Variants in PIK3R2 observed in about 807,000 individuals in gnomAD.
PIK3R2 encodes phosphatidylinositol 3-kinase regulatory subunit beta.
Under a neutral mutation model 78.5 loss-of-function variants are expected in PIK3R2, and 40 were observed. The ratio of observed to expected loss-of-function variants is 0.51; its 90% CI spans 0.40 to 0.66. PIK3R2 has a LOEUF of 0.66. Among genes scored for constraint, PIK3R2 ranks in the 30% least tolerant of loss-of-function variants. The probability of loss-of-function intolerance (pLI) is 0.00; values close to 1 mark genes in which losing one functional copy is unlikely to be tolerated. For synonymous variants in PIK3R2, 473 were observed against 457.7 expected (o/e 1.03, Z -0.43); for missense variants, 880 against 1,026.6 (o/e 0.86, Z 1.95).
rs1301654343 is a variant in PIK3R2 at position 18,168,721 on chromosome 19, C to A, written c.1809-5C>A. ...GGCCCTCCCCGCCACCGCCCCCCAC[C>A]CCAGCCAGTACGCACTCATGGAGGA... On this transcript the variant is annotated splice_region_variant and splice_polypyrimidine_tract_variant and intron_variant, in intron 14 of 15. Transcript: ENST00000222254. The surrounding 1 kb of genome is among the most constrained non-coding windows in gnomAD (Gnocchi z 4.1). 1 of 1,611,664 alleles carries A rather than the reference C, an allele frequency of 6.2e-7. No individual in the cohort carries two copies. Among genetic ancestry groups the A allele is most frequent in the African/African-American group, 1.3e-5 (1 of 74,880 alleles).
At position 18,162,730 on chromosome 19, in the gene PIK3R2, A is replaced by T. The variant is rs559922198; in HGVS notation, c.1109+224A>T. On this transcript the variant is annotated intron_variant, in intron 9 of 15. Transcript: ENST00000222254. ...GAAACCCCGTCTCTACTAAAAAATT[A>T]AAAAAAAAAATTAGCCAGGCATGGT... 4.3e-4 allele frequency: 237 copies of T among 552,048 alleles called. 3 individuals carry two copies. In the East Asian group the frequency reaches 7.0e-3, roughly 16 times the overall value. 34.2% of individuals were successfully genotyped at this position (552,048 alleles called of 1,614,324 possible).
Position 18,162,375 on chromosome 19 carries a change from G to T in PIK3R2, c.1011-33G>T, listed in dbSNP as rs1158635414. ...ACAGGGTGAGCGGGGTCTCCAGGTG[G>T]CTCGGCAGTCCCAATGTTGGATGTT... On this transcript the variant is annotated intron_variant, in intron 8 of 15. Coordinates refer to ENST00000222254, the MANE Select transcript of PIK3R2 (RefSeq NM_005027.4). 4 of 1,605,864 alleles carry T rather than the reference G, an allele frequency of 2.5e-6. No homozygotes were observed. In the Admixed American group the frequency reaches 6.7e-5, roughly 27 times the overall value.
rs376215289 is a variant in PIK3R2 at position 18,166,265 on chromosome 19, C to T, written c.1522C>T (p.Arg508Cys). 33 of 1,613,978 alleles carry T rather than the reference C, an allele frequency of 2.0e-5. No individual in the cohort carries two copies. Among genetic ancestry groups the T allele is most frequent in the African/African-American group, 6.7e-5 (5 of 74,892 alleles). Residue 508 changes from arginine to cysteine, a missense_variant, in exon 12 of 16, where the codon CGC (arginine) becomes TGC (cysteine). By Grantham distance (180) the Arg-to-Cys change is radical. Coordinates refer to ENST00000222254, the MANE Select transcript of PIK3R2 (RefSeq NM_005027.4). The stretch of plus-strand genomic sequence containing the variant: ...GAAATGCAGCAAGGAATACCTGGAG[C>T]GCTTCCGGCGTGAGGGCAACGAGAA... Reference protein sequence around the residue: ...QEKCSKEYLERFRREGNEKEM... With the variant: ...QEKCSKEYLECFRREGNEKEM...
rs770759413 is a variant in PIK3R2, at chr19:18,162,408, G to T, written c.1011G>T (p.Arg337Ser). 1 of 1,613,306 alleles carries T rather than the reference G, an allele frequency of 6.2e-7. No individual in the cohort carries two copies. Among genetic ancestry groups the T allele is most frequent in the Non-Finnish European group, 8.5e-7 (1 of 1,179,744 alleles). The change falls in exon 9 of 16, where the codon AGG (arginine) becomes AGT (serine). Residue 337 changes from arginine (R) to serine (S), a missense_variant and splice_region_variant. Arg to Ser is a moderately radical substitution (Grantham distance 110, BLOSUM62 -1). This residue lies in a region of PIK3R2 where 156 missense variants were observed against 241.0 expected (regional missense o/e 0.65). Transcript: ENST00000222254. ...DAEWYWGDIS[R>S]EEVNEKLRDT... ...GTCCCAATGTTGGATGTTCCCACAG[G>T]GAGGAGGTGAACGAGAAACTCCGGG...
At position 18,161,659 on chromosome 19, in the gene PIK3R2, A is replaced by G. The variant is rs532640802; in HGVS notation, c.815+164A>G. ...GACGGAGCGGAGACCTGGGCTCCTG[A>G]GTCGTGGGACAGAAGGTGAAGGGGC... On this transcript the variant is annotated intron_variant, in intron 6 of 15. Coordinates refer to ENST00000222254, the MANE Select transcript of PIK3R2 (RefSeq NM_005027.4). This position sits in a 1 kb window ranked among gnomAD's most constrained non-coding sequence, Gnocchi z 5.3. Among the ~76,000 whole-genome samples the G allele has an allele frequency of 2.0e-5, 3 of 152,254 alleles. No individual in the cohort carries two copies. Among genetic ancestry groups the G allele is most frequent in the Admixed American group, 2.0e-4 (3 of 15,292 alleles).
chr19:18,159,837 G>A (rs112502369), intron 2 of PIK3R2, among the ~76,000 whole-genome samples: 1 of 152,132 alleles, frequency 6.6e-6, no homozygotes, highest in Non-Finnish European at 1.5e-5. Context: ...CGCCTCCCGG[G>A]TTCAAGCGAT....
At chr19:18,160,778 C>T in intron 3 of PIK3R2, 141 bp from the exon 4 acceptor site, 1 of 1,080,988 alleles carries the variant, frequency 9.3e-7, no homozygotes, top group Non-Finnish European at 1.4e-6. Flanking sequence ...GTGCCCTCTC[C>T]CAGTTCTCCC....
intron 2 of PIK3R2, among the ~76,000 whole-genome samples, chr19:18,157,389 G>A (rs998588112): frequency 8.5e-5 from 13 of 152,202 alleles, no homozygotes; most frequent in Admixed American, 7.9e-4. Flanking sequence ...CGGCTGCCCA[G>A]CCCCACCCTC....
intron 2 of PIK3R2, among the ~76,000 whole-genome samples, chr19:18,157,756 T>A (rs1366828352): frequency 8.0e-6 from 1 of 125,174 alleles, no homozygotes; most frequent in East Asian, 2.3e-4. Flanking sequence ...TTTTTTGGCG[T>A]TTTCGTTGCA....
chr19:18,159,696 C>T (rs556274538), intron 2 of PIK3R2, among the ~76,000 whole-genome samples: 2 of 151,986 alleles, frequency 1.3e-5, no homozygotes, highest in East Asian at 1.9e-4. Flanking sequence ...CTGCTGGTCT[C>T]AGCCTCCCAA....
At position 18,165,491 on chromosome 19, in the gene PIK3R2, G is replaced by A. The variant is rs1240911750; in HGVS notation, c.1417-669G>A. Among the ~76,000 whole-genome samples, 5 of 151,944 alleles carry A rather than the reference G, an allele frequency of 3.3e-5. No homozygotes were observed. In the South Asian group the frequency reaches 8.4e-4, roughly 25 times the overall value. ...AGAGGTTGCAGTGAGCCAAGATCAC[G>A]CCACTGCTCCAGCCTGGGCGACAAG... On this transcript the variant is annotated intron_variant, in intron 11 of 15. Coordinates refer to ENST00000222254, the MANE Select transcript of PIK3R2 (RefSeq NM_005027.4).
intron 1 of PIK3R2, among the ~76,000 whole-genome samples, chr19:18,153,657 A>C (rs1475713423): frequency 1.3e-5 from 2 of 152,064 alleles, no homozygotes; most frequent in Non-Finnish European, 2.9e-5. Context: ...GGTCGAACCC[A>C]CTTCCGGTCC....
chr19:18,166,071 C>G (rs749625169), intron 11 of PIK3R2, 89 bp from the exon 12 acceptor site: 77 of 1,520,738 alleles, frequency 5.1e-5, no homozygotes, highest in Admixed American at 2.3e-4. Context: ...CTTGAGCAGT[C>G]TCCGTATCAG....
In PIK3R2 at chr19:18,169,083, A is replaced by C. The variant is rs1191922464; in HGVS notation, c.1980-4A>C. On this transcript the variant is annotated splice_polypyrimidine_tract_variant and splice_region_variant and intron_variant, in intron 15 of 15. Transcript: ENST00000222254. ...CCGACTCCCCCTCTCGTCTGCCCCCACAGAGTGGACGGCGACACCAAGCAC... is the reference window on the plus strand; with the variant it reads ...CCGACTCCCCCTCTCGTCTGCCCCCCCAGAGTGGACGGCGACACCAAGCAC... The C allele has an allele frequency of 6.2e-7, 1 of 1,609,006 alleles. No homozygotes were observed. The highest frequency in any genetic ancestry group is 1.3e-5 in the African/African-American group (1 of 74,840).
At chr19:18,165,062 T>C (rs962010002) in intron 11 of PIK3R2, among the ~76,000 whole-genome samples, 6 of 150,040 alleles carry the variant, frequency 4.0e-5, no homozygotes, top group African/African-American at 9.8e-5. Flanking sequence ...ACCCCATCTC[T>C]ACCAAAAAGA....
chr19:18,166,303 G>T lies in PIK3R2; in HGVS notation c.1559+1G>T. ...AGGGCAACGAGAAAGAGATGCAAAGGTGAGTCTGGCGCCTCTGCCCTGCCC... is the reference window on the plus strand; with the variant it reads ...AGGGCAACGAGAAAGAGATGCAAAGTTGAGTCTGGCGCCTCTGCCCTGCCC... On this transcript the variant is annotated splice_donor_variant, in intron 12 of 15. Coordinates refer to ENST00000222254, the MANE Select transcript of PIK3R2 (RefSeq NM_005027.4). LOFTEE classifies it high-confidence loss of function. 1 of 1,613,600 alleles carries T rather than the reference G, an allele frequency of 6.2e-7. No homozygotes were observed. Among genetic ancestry groups the T allele is most frequent in the Non-Finnish European group, 8.5e-7 (1 of 1,179,684 alleles).
chr19:18,160,610 C>A, intron 3 of PIK3R2, 47 bp downstream of exon 3: 1 of 1,420,378 alleles, frequency 7.0e-7, no homozygotes, highest in Non-Finnish European at 9.9e-7. Flanking sequence ...TTGCTTACCT[C>A]TAGTGACAGG....
intron 2 of PIK3R2, among the ~76,000 whole-genome samples, chr19:18,157,203 C>T (rs1481681946): frequency 1.3e-5 from 2 of 152,222 alleles, no homozygotes; most frequent in African/African-American, 4.8e-5. Context: ...ACGCTGGCCC[C>T]AGCCTCCAGG....
At position 18,155,529 on chromosome 19, in the gene PIK3R2, A is replaced by G. The variant is rs2043667780; in HGVS notation, c.-351A>G. 13 of 442,814 alleles carry G rather than the reference A, an allele frequency of 2.9e-5. No individual in the cohort carries two copies. In the East Asian group the frequency reaches 4.6e-4, roughly 16 times the overall value. 27.4% of individuals were successfully genotyped at this position (442,814 alleles called of 1,614,324 possible). On this transcript the variant is annotated 5_prime_UTR_variant, in exon 2 of 16. Coordinates refer to ENST00000222254, the MANE Select transcript of PIK3R2 (RefSeq NM_005027.4). ...CTCCCTTGTCTGGTGCAGCCAGCAGAGCCGCCAGCCTTGGGCGCCCATGGC... is the reference window on the plus strand; with the variant it reads ...CTCCCTTGTCTGGTGCAGCCAGCAGGGCCGCCAGCCTTGGGCGCCCATGGC...
Sources: allele counts gnomAD v4.1 joint callset (sites outside exome capture counted in the v4.1 genomes callset), GRCh38; gene constraint gnomAD v4.1.1; regional missense constraint gnomAD v4.1.1; non-coding constraint Gnocchi (gnomAD v3.1); transcripts MANE v1.5; gene names NCBI Gene and HGNC (gene_info 2026-07-23, HGNC 2026-07-21).